Variants in ABHD4 observed in about 807,000 individuals in gnomAD.
ABHD4 encodes the protein (Lyso)-N-acylphosphatidylethanolamine lipase.
A neutral mutation model predicts 42.3 loss-of-function variants in ABHD4; 35 were observed. The observed-to-expected ratio is 0.83, with a 90% CI of 0.63 to 1.10. The LOEUF is 1.10. Ranked by LOEUF, ABHD4 falls within the 50% of genes least tolerant of loss-of-function variation. The pLI is 0.00. For missense variants in ABHD4, 389 were observed against 454.8 expected, an observed-to-expected ratio of 0.86 and a Z score of 1.32; for synonymous variants, 169 against 170.6, an observed-to-expected ratio of 0.99 and a Z score of 0.07.
At chr14:22,605,177 T>C (rs2037335082) in intron 4 of ABHD4, among the ~76,000 whole-genome samples, 1 of 152,152 alleles carries the variant, frequency 6.6e-6, no homozygotes, top group Non-Finnish European at 1.5e-5. Flanking sequence ...CATGGGGAGC[T>C]AGCCATAATG....
chr14:22,602,540 G>A (rs2037298017), intron 2 of ABHD4, among the ~76,000 whole-genome samples: 1 of 152,042 alleles, frequency 6.6e-6, no homozygotes, highest in South Asian at 2.1e-4. Context: ...TCTCTCACCC[G>A]AGGCTCAGTC....
At chr14:22,609,553 T>C in intron 5 of ABHD4, 171 bp from the exon 6 acceptor site, 1 of 626,720 alleles carries the variant, frequency 1.6e-6, no homozygotes, top group South Asian at 2.2e-5. Flanking sequence ...TCTTCTGTGA[T>C]GGGAGGCCTC....
intron 4 of ABHD4, 134 bp downstream of exon 4, chr14:22,604,213 C>A: frequency 9.5e-7 from 1 of 1,050,266 alleles, no homozygotes; most frequent in Non-Finnish European, 1.4e-6. Flanking sequence ...TGAACCAGAT[C>A]ACTTTGTTCA....
chr14:22,608,897 A>T (rs2037378500), intron 5 of ABHD4, among the ~76,000 whole-genome samples: 1 of 151,652 alleles, frequency 6.6e-6, no homozygotes, highest in South Asian at 2.1e-4. Context: ...GATGGGTTTC[A>T]CCATGTTGGC....
At chr14:22,607,675 G>A (rs1391302497) in intron 5 of ABHD4, among the ~76,000 whole-genome samples, 1 of 152,156 alleles carries the variant, frequency 6.6e-6, no homozygotes, top group Non-Finnish European at 1.5e-5. Context: ...GCCCCCATGG[G>A]CTCAGTGCCT....
At chr14:22,598,615 G>A (rs1195681052) in intron 1 of ABHD4, 1 of 715,944 alleles carries the variant, frequency 1.4e-6, no homozygotes, top group Non-Finnish European at 2.3e-6. Flanking sequence ...GGCCTCTGGA[G>A]AGATTCCATG....
At chr14:22,609,621 T>G in intron 5 of ABHD4, 103 bp from the exon 6 acceptor site, 1 of 1,299,780 alleles carries the variant, frequency 7.7e-7, no homozygotes, top group Non-Finnish European at 1.1e-6. Flanking sequence ...TGTGGGGCTT[T>G]GACAGGAATA....
intron 4 of ABHD4, among the ~76,000 whole-genome samples, chr14:22,604,938 T>G (rs1022443774): frequency 1.3e-5 from 2 of 152,180 alleles, no homozygotes; most frequent in Non-Finnish European, 2.9e-5. Flanking sequence ...AACCTGCTGG[T>G]GATTCATGCC....
Position 22,609,722 on chromosome 14 carries a change from A to G in ABHD4, c.753-2A>G, listed in dbSNP as rs1457804713. ...AGTTTATTGCTGTTTTGCTTTTGACAGTGGTGAGACAGCATTCAAAGCCAT... is the reference window on the plus strand; with the variant it reads ...AGTTTATTGCTGTTTTGCTTTTGACGGTGGTGAGACAGCATTCAAAGCCAT... On this transcript the variant is annotated splice_acceptor_variant, in intron 5 of 6. Transcript: ENST00000428304. LOFTEE classifies it high-confidence loss of function. The G allele has an allele frequency of 6.2e-7, 1 of 1,612,800 alleles. No homozygotes were observed. Among genetic ancestry groups the G allele is most frequent in the African/African-American group, 1.3e-5 (1 of 75,004 alleles).
intron 1 of ABHD4, 148 bp from the exon 2 acceptor site, chr14:22,601,519 G>C (rs1594890376): frequency 3.0e-6 from 2 of 667,692 alleles, no homozygotes; most frequent in East Asian, 5.2e-5. Context: ...AGGTAGCTAG[G>C]GAACTGCTGC....
At chr14:22,609,968 C>A (rs1274671636) in intron 6 of ABHD4, 58 bp downstream of exon 6, 2 of 1,552,504 alleles carry the variant, frequency 1.3e-6, no homozygotes, top group East Asian at 2.3e-5. Flanking sequence ...ACCTCTCAGC[C>A]TTGGGGTAGA....
chr14:22,612,867 A>G lies in ABHD4; in HGVS notation c.*1919A>G, dbSNP rs1243316772. 6.6e-6 allele frequency: 1 copy of G among 152,238 alleles called. No homozygotes were observed. Among genetic ancestry groups the G allele is most frequent in the Non-Finnish European group, 1.5e-5 (1 of 68,056 alleles). 9.4% of individuals were successfully genotyped at this position (152,238 alleles called of 1,614,324 possible). ...CTTATAAACTTGTGGTTACTTGTTT[A>G]GCGTCTCTTTCCTCCCCAGACCATA... On this transcript the variant is annotated 3_prime_UTR_variant, in exon 7 of 7. Coordinates refer to ENST00000428304, the MANE Select transcript of ABHD4 (RefSeq NM_022060.3).
rs1423992459 is a variant in ABHD4, at chr14:22,603,927, T to A, written c.488T>A (p.Val163Asp). 4 of 1,614,116 alleles carry A rather than the reference T, an allele frequency of 2.5e-6. No homozygotes were observed. The highest frequency in any genetic ancestry group is 3.4e-6 in the Non-Finnish European group (4 of 1,179,970). ...TSYSIKYPDR[V>D]KHLILVDPWG... ...TCCTCTTTCCGCCTTTAACATAGAG[T>A]TAAACACCTCATCCTGGTGGACCCA... Residue 163 changes from valine (V) to aspartate (D), a missense_variant and splice_region_variant, in exon 4 of 7, where the codon GTT (valine) becomes GAT (aspartate). Physicochemically the swap from Val to Asp is radical, Grantham distance 152. Coordinates refer to ENST00000428304, the MANE Select transcript of ABHD4 (RefSeq NM_022060.3).
chr14:22,610,811 C>A, intron 6 of ABHD4, 48 bp from the exon 7 acceptor site: 1 of 1,478,592 alleles, frequency 6.8e-7, no homozygotes, highest in Non-Finnish European at 9.5e-7. Flanking sequence ...GGCTTCCCAG[C>A]ACCAGGAATA....
chr14:22,600,826 AGGGG>A (rs1349707087), intron 1 of ABHD4, among the ~76,000 whole-genome samples: 1 of 133,178 alleles, frequency 7.5e-6, no homozygotes, highest in South Asian at 2.6e-4. Context: ...CACGTCCAGC[AGGGG>A]GGTGTGTGTG....
chr14:22,603,539 A>G lies in ABHD4; in HGVS notation c.262A>G (p.Met88Val). ...GGGVGLWILN[M>V]DSLSARRTLH... The stretch of plus-strand genomic sequence containing the variant: ...CGGCGTGGGTCTCTGGATCCTCAAC[A>G]TGGACTCACTGAGTGCCCGCCGCAC... The change falls in exon 3 of 7, where the codon ATG becomes GTG. Residue 88 changes from methionine (M) to valine (V), a missense_variant. Coordinates refer to ENST00000428304, the MANE Select transcript of ABHD4 (RefSeq NM_022060.3). 2 of 1,614,152 alleles carry G rather than the reference A, an allele frequency of 1.2e-6. No homozygotes were observed. The highest frequency in any genetic ancestry group is 1.1e-5 in the South Asian group (1 of 91,082).
At chr14:22,599,803 C>T (rs1253102512) in intron 1 of ABHD4, among the ~76,000 whole-genome samples, 1 of 152,164 alleles carries the variant, frequency 6.6e-6, no homozygotes, top group Non-Finnish European at 1.5e-5. Context: ...TCTTGGTCCC[C>T]GTGCTTCAAG....
At chr14:22,600,829 GGGGT>G (rs375464589) in intron 1 of ABHD4, among the ~76,000 whole-genome samples, 24,392 of 124,138 alleles carry the variant, frequency 0.2, 1,856 homozygotes, top group African/African-American at 0.22. Context: ...GTCCAGCAGG[GGGGT>G]GTGTGTGTGT....
intron 4 of ABHD4, among the ~76,000 whole-genome samples, 196 bp from the exon 5 acceptor site, chr14:22,606,226 T>G (rs1182612770): frequency 2.0e-5 from 3 of 152,242 alleles, no homozygotes; most frequent in Admixed American, 2.0e-4. Flanking sequence ...ATGAGCTGAC[T>G]TTGTGATTTG....
Sources: allele counts gnomAD v4.1 joint callset (sites outside exome capture counted in the v4.1 genomes callset), GRCh38; gene constraint gnomAD v4.1.1; transcripts MANE v1.5; gene names NCBI Gene and HGNC (gene_info 2026-07-23, HGNC 2026-07-21).